OXR1: variants seen among roughly 807,000 people sequenced by gnomAD.
OXR1 encodes the protein oxidation resistance protein 1.
OXR1 carries 41 observed loss-of-function variants against 104.6 expected under a neutral mutation model. That is an observed-to-expected ratio of 0.39 (90% CI 0.31 to 0.51). OXR1 has a LOEUF of 0.51. Ranked by LOEUF, OXR1 falls within the 20% of genes least tolerant of loss-of-function variation. The pLI is 0.77. For synonymous variants in OXR1, 348 were observed against 348.4 expected (o/e 1.00, Z 0.01); for missense variants, 955 against 1,031.9 (o/e 0.93, Z 1.02).
chr8:106,276,408 A>G (rs1812038536), intron 1 of OXR1, among the ~76,000 whole-genome samples: 1 of 152,190 alleles, frequency 6.6e-6, no homozygotes, highest in Non-Finnish European at 1.5e-5. Context: ...CCACCCATTT[A>G]CAAGGAAAGA....
At chr8:106,402,925 A>G (rs1267765365) in intron 2 of OXR1, among the ~76,000 whole-genome samples, 1 of 152,058 alleles carries the variant, frequency 6.6e-6, no homozygotes, top group African/African-American at 2.4e-5. Context: ...GGTTCACACC[A>G]TTCTCCTGCC....
intron 7 of OXR1, among the ~76,000 whole-genome samples, chr8:106,699,643 A>C (rs1398315817): frequency 6.6e-6 from 1 of 152,194 alleles, no homozygotes; most frequent in East Asian, 1.9e-4. Context: ...CTGAATAAAA[A>C]TTTTATTTAA....
chr8:106,383,566 A>G (rs1817248376), intron 2 of OXR1, among the ~76,000 whole-genome samples: 1 of 152,200 alleles, frequency 6.6e-6, no homozygotes, highest in South Asian at 2.1e-4. Context: ...TAGGGAGCAA[A>G]CCATTACTTT....
intron 1 of OXR1, among the ~76,000 whole-genome samples, chr8:106,357,262 A>T (rs1816011735): frequency 6.6e-6 from 1 of 152,030 alleles, no homozygotes; most frequent in South Asian, 2.1e-4. Flanking sequence ...CCTCGATAAA[A>T]ATGAGGCAAT....
intron 2 of OXR1, among the ~76,000 whole-genome samples, chr8:106,373,944 T>C (rs1239398134): frequency 6.6e-6 from 1 of 152,256 alleles, no homozygotes; most frequent in African/African-American, 2.4e-5. Context: ...GAATTACTGA[T>C]GTAATAGGAA....
At chr8:106,489,655 A>G (rs1354802226) in intron 2 of OXR1, among the ~76,000 whole-genome samples, 1 of 152,092 alleles carries the variant, frequency 6.6e-6, no homozygotes, top group Admixed American at 6.6e-5. Flanking sequence ...GTATTAAGGG[A>G]ATTGTTCTGA....
At chr8:106,692,182 A>G (rs555580597) in intron 6 of OXR1, among the ~76,000 whole-genome samples, 10 of 152,200 alleles carry the variant, frequency 6.6e-5, no homozygotes, top group African/African-American at 2.2e-4. Flanking sequence ...GTAGCACCAA[A>G]AAAGTTAAGA....
At chr8:106,325,191 G>C (rs1814418030) in intron 1 of OXR1, among the ~76,000 whole-genome samples, 1 of 152,192 alleles carries the variant, frequency 6.6e-6, no homozygotes, top group Non-Finnish European at 1.5e-5. Context: ...TGAATTGCTT[G>C]TCCTAATATT....
At chr8:106,718,490 A>G (rs1023250640) in intron 11 of OXR1, among the ~76,000 whole-genome samples, 9 of 152,222 alleles carry the variant, frequency 5.9e-5, no homozygotes, top group African/African-American at 2.2e-4. Context: ...CACGATGTGT[A>G]AAGGACTGAA....
chr8:106,484,304 G>A (rs1383136496), intron 2 of OXR1, among the ~76,000 whole-genome samples: 1 of 152,046 alleles, frequency 6.6e-6, no homozygotes, highest in East Asian at 1.9e-4. Flanking sequence ...GAATTGCAAT[G>A]TTTCTACCAT....
chr8:106,531,670 C>G (rs938128816), intron 3 of OXR1, among the ~76,000 whole-genome samples: 1 of 151,918 alleles, frequency 6.6e-6, no homozygotes, highest in Non-Finnish European at 1.5e-5. Flanking sequence ...AGATAGATTC[C>G]GTTTTGAAGT....
intron 1 of OXR1, among the ~76,000 whole-genome samples, chr8:106,346,672 A>AGG (rs1442363924): frequency 2.0e-5 from 3 of 152,078 alleles, no homozygotes; most frequent in Non-Finnish European, 4.4e-5. Context: ...CATTTCTCCA[A>AGG]GGATGCTGTG....
intron 1 of OXR1, among the ~76,000 whole-genome samples, chr8:106,282,098 C>G (rs767269841): frequency 4.5e-4 from 69 of 152,112 alleles, no homozygotes; most frequent in Non-Finnish European, 7.8e-4. Context: ...TAAAATTAAT[C>G]TAAAATCTTT....
chr8:106,398,926 C>T (rs1176423064), intron 2 of OXR1, among the ~76,000 whole-genome samples: 1 of 152,170 alleles, frequency 6.6e-6, no homozygotes, highest in Non-Finnish European at 1.5e-5. Context: ...TTCACATGCA[C>T]ATCTGGGGAT....
At chr8:106,325,588 G>T (rs1814438258) in intron 1 of OXR1, among the ~76,000 whole-genome samples, 1 of 152,124 alleles carries the variant, frequency 6.6e-6, no homozygotes. Context: ...TGTACATGCT[G>T]GTTACTCTCC....
chr8:106,749,018 C>G (rs1835650257), intron 16 of OXR1, among the ~76,000 whole-genome samples: 1 of 151,864 alleles, frequency 6.6e-6, no homozygotes, highest in South Asian at 2.1e-4. Flanking sequence ...TAAATAGTTC[C>G]TTTCTTTTGT....
intron 11 of OXR1, among the ~76,000 whole-genome samples, chr8:106,718,830 C>T (rs1236667654): frequency 1.7e-5 from 2 of 120,642 alleles, no homozygotes; most frequent in Admixed American, 1.6e-4. Context: ...CAGAGCGAGA[C>T]TCCACCTCAA....
At chr8:106,370,854 T>C (rs528261795) in intron 2 of OXR1, among the ~76,000 whole-genome samples, 2 of 152,306 alleles carry the variant, frequency 1.3e-5, no homozygotes, top group South Asian at 4.2e-4. Context: ...TGTCCTGATG[T>C]TTTCTTTTTT....
At chr8:106,561,564 C>T (rs1464394655) in intron 3 of OXR1, among the ~76,000 whole-genome samples, 4 of 152,310 alleles carry the variant, frequency 2.6e-5, no homozygotes, top group Admixed American at 6.5e-5. Flanking sequence ...CTGACTTAAA[C>T]GTTCCTGTCT....
Sources: gnomAD v4.1 joint callset for allele counts (sites outside exome capture counted in the v4.1 genomes callset) on GRCh38, gnomAD v4.1.1 for gene constraint, MANE v1.5 for transcripts, NCBI Gene and HGNC (gene_info 2026-07-23, HGNC 2026-07-21) for gene names.